The following ADCY5 variants were observed in gnomAD, a reference collection of about 807,000 sequenced individuals.
ADCY5 encodes adenylate cyclase type 5.
A neutral mutation model predicts 119.7 loss-of-function variants in ADCY5; 30 were observed. That is an observed-to-expected ratio of 0.25 (90% CI 0.19 to 0.34). The LOEUF is 0.34. Among genes scored for constraint, ADCY5 ranks in the 10% least tolerant of loss-of-function variants. The pLI, the probability that ADCY5 is intolerant of heterozygous loss-of-function variation, is 1.00. For synonymous variants in ADCY5, 753 were observed against 762.2 expected (o/e 0.99, Z 0.20); for missense variants, 1,324 against 1,775.2 (o/e 0.75, Z 4.57).
chr3:123,339,127 G>A (rs570670187), intron 3 of ADCY5, among the ~76,000 whole-genome samples: 1 of 152,318 alleles, frequency 6.6e-6, no homozygotes, highest in East Asian at 1.9e-4. Flanking sequence ...TGCCGGGGAA[G>A]TACCCGGAAG....
intron 1 of ADCY5, among the ~76,000 whole-genome samples, chr3:123,417,204 G>A (rs1945203706): frequency 2.0e-5 from 3 of 151,834 alleles, no homozygotes; most frequent in African/African-American, 7.3e-5. Context: ...CTGATTTCTT[G>A]GCATCCCCAA....
At chr3:123,359,263 GACAA>G (rs1943151483) in intron 1 of ADCY5, among the ~76,000 whole-genome samples, 1 of 146,256 alleles carries the variant, frequency 6.8e-6, no homozygotes, top group Middle Eastern at 3.7e-3. Flanking sequence ...TTGAATTACA[GACAA>G]ACAACACGTA....
rs540996909 is a variant in ADCY5 at position 123,347,966 on chromosome 3, C to T, written c.1285-63G>A. ...CTACCTGCCTGGCAAGTGCTCGCTC[C>T]TCCACACCTGTGCCCCTGCCTGAGG... On this transcript the variant is annotated intron_variant, in intron 2 of 20. Coordinates refer to ENST00000462833, the MANE Select transcript of ADCY5 (RefSeq NM_183357.3). 5.2e-5 allele frequency: 83 copies of T among 1,608,078 alleles called. 1 individual carries two copies. In the South Asian group the frequency reaches 8.9e-4, roughly 17 times the overall value.
chr3:123,445,728 C>T (rs183707583), intron 1 of ADCY5, among the ~76,000 whole-genome samples: 3 of 152,228 alleles, frequency 2.0e-5, no homozygotes, highest in Admixed American at 2.0e-4. Context: ...GCATCAACAG[C>T]CCCACTTACT....
intron 3 of ADCY5, among the ~76,000 whole-genome samples, chr3:123,346,607 T>TCTCTCTCTCTCTCTCTCTCTCTCTC (rs1316376575): frequency 7.0e-5 from 9 of 128,062 alleles, no homozygotes; most frequent in Non-Finnish European, 1.2e-4. Context: ...CAGCCTCACC[T>TCTCTCTCTCTCTCTCTCTCTCTCTC]TCTCTCTCTC....
chr3:123,290,939 G>GA (rs1939105833), intron 18 of ADCY5, among the ~76,000 whole-genome samples, 174 bp downstream of exon 18: 2 of 152,198 alleles, frequency 1.3e-5, no homozygotes, highest in Admixed American at 1.3e-4. Context: ...ATGTGTGCAA[G>GA]GTGCCCATTG....
intron 1 of ADCY5, among the ~76,000 whole-genome samples, chr3:123,430,958 C>G (rs1447069878): frequency 1.3e-5 from 2 of 152,220 alleles, no homozygotes; most frequent in Non-Finnish European, 1.5e-5. Context: ...TCTGAGGGTA[C>G]AAGCCCCATC....
At chr3:123,311,138 T>C (rs1940549603) in intron 12 of ADCY5, among the ~76,000 whole-genome samples, 1 of 152,184 alleles carries the variant, frequency 6.6e-6, no homozygotes. Flanking sequence ...CTAACTGGCT[T>C]GGGGGTAATT....
At chr3:123,323,320 C>G (rs1236552094) in intron 8 of ADCY5, among the ~76,000 whole-genome samples, 3 of 152,198 alleles carry the variant, frequency 2.0e-5, no homozygotes, top group Non-Finnish European at 4.4e-5. Flanking sequence ...ATTCCTTGTC[C>G]TAATGATGAG....
At chr3:123,328,574 A>C in intron 6 of ADCY5, 70 bp downstream of exon 6, 2 of 1,495,088 alleles carry the variant, frequency 1.3e-6, no homozygotes, top group Non-Finnish European at 1.8e-6. Context: ...CCTCTGCAGG[A>C]TGGTCACCCT....
chr3:123,343,239 A>C (rs1380088326), intron 3 of ADCY5, among the ~76,000 whole-genome samples: 1 of 152,142 alleles, frequency 6.6e-6, no homozygotes, highest in Non-Finnish European at 1.5e-5. Context: ...TGTGTACTTT[A>C]ATCCATGTCA....
chr3:123,315,029 C>T (rs1233899717), intron 11 of ADCY5, among the ~76,000 whole-genome samples: 1 of 152,206 alleles, frequency 6.6e-6, no homozygotes, highest in East Asian at 1.9e-4. Flanking sequence ...CACGGGTGGC[C>T]ACCCTCAGAC....
At chr3:123,398,206 C>A (rs1420927671) in intron 1 of ADCY5, among the ~76,000 whole-genome samples, 1 of 152,112 alleles carries the variant, frequency 6.6e-6, no homozygotes, top group Non-Finnish European at 1.5e-5. Flanking sequence ...AGCAATGAGG[C>A]CCCCACGTGA....
intron 1 of ADCY5, among the ~76,000 whole-genome samples, chr3:123,375,807 G>C (rs562933586): frequency 6.6e-6 from 1 of 152,258 alleles, no homozygotes; most frequent in Non-Finnish European, 1.5e-5. Context: ...TGACCACGAG[G>C]GCCTCATTTA....
At chr3:123,285,556 G>A (rs1390374621) in intron 20 of ADCY5, among the ~76,000 whole-genome samples, 1 of 152,252 alleles carries the variant, frequency 6.6e-6, no homozygotes, top group African/African-American at 2.4e-5. Flanking sequence ...ACCAGTGAGT[G>A]CAAGTGCCAG....
At chr3:123,328,521 G>C in intron 6 of ADCY5, 123 bp downstream of exon 6, 1 of 1,200,232 alleles carries the variant, frequency 8.3e-7, no homozygotes, top group Non-Finnish European at 1.2e-6. Flanking sequence ...GCCCCCACAG[G>C]TGCTTGCTGC....
At chr3:123,296,880 C>T (rs1939547062) in intron 16 of ADCY5, 2 of 973,012 alleles carry the variant, frequency 2.1e-6, no homozygotes, top group Non-Finnish European at 2.9e-6. Flanking sequence ...AAGAGCTCAA[C>T]CCCTGGAAGG....
chr3:123,360,859 A>G (rs926817598), intron 1 of ADCY5, among the ~76,000 whole-genome samples: 70 of 152,204 alleles, frequency 4.6e-4, no homozygotes, highest in Middle Eastern at 3.4e-3. Context: ...AGTTCATCTC[A>G]CCCTCATCAA....
chr3:123,324,185 T>C (rs1941357975), intron 8 of ADCY5, among the ~76,000 whole-genome samples: 1 of 152,136 alleles, frequency 6.6e-6, no homozygotes, highest in Non-Finnish European at 1.5e-5. Flanking sequence ...TAAGCTCGTA[T>C]CATCTGCTAC....
Sources: allele counts gnomAD v4.1 joint callset (sites outside exome capture counted in the v4.1 genomes callset), GRCh38; gene constraint gnomAD v4.1.1; transcripts MANE v1.5; gene names NCBI Gene and HGNC (gene_info 2026-07-23, HGNC 2026-07-21).